Variants in LRP1B observed in about 807,000 individuals in gnomAD.
LRP1B encodes the protein low-density lipoprotein receptor-related protein 1B.
A neutral mutation model predicts 556.6 loss-of-function variants in LRP1B; 217 were observed. The ratio of observed to expected loss-of-function variants is 0.39; its 90% CI spans 0.35 to 0.44. The LOEUF is 0.44. Among genes scored for constraint, LRP1B ranks in the 20% least tolerant of loss-of-function variants. The pLI is 1.00. For missense variants in LRP1B, 5,053 were observed against 5,620.8 expected (o/e 0.90, Z 3.23); for synonymous variants, 2,047 against 1,865.8 (o/e 1.10, Z -2.50).
chr2:140,254,382 T>C (rs1681584206), intron 86 of LRP1B, among the ~76,000 whole-genome samples: 1 of 152,166 alleles, frequency 6.6e-6, no homozygotes, highest in South Asian at 2.1e-4. Flanking sequence ...TCAGTTCCAA[T>C]GCTCATGTGC....
chr2:141,112,593 T>C (rs1190259522), intron 7 of LRP1B, among the ~76,000 whole-genome samples: 1 of 152,212 alleles, frequency 6.6e-6, no homozygotes, highest in Non-Finnish European at 1.5e-5. Context: ...TGTCAATATT[T>C]AAACAATTTA....
At chr2:141,968,366 T>C (rs1701623496) in intron 1 of LRP1B, among the ~76,000 whole-genome samples, 1 of 151,822 alleles carries the variant, frequency 6.6e-6, no homozygotes. Flanking sequence ...ACTTTAGAAA[T>C]GCAGACTCCA....
chr2:140,444,888 A>G (rs11897430), intron 63 of LRP1B, among the ~76,000 whole-genome samples: 36,424 of 151,978 alleles, frequency 0.24, 4,695 homozygotes, highest in Non-Finnish European at 0.28. Context: ...AATAAACCAT[A>G]CTTTAGAAGA....
intron 18 of LRP1B, among the ~76,000 whole-genome samples, chr2:140,972,718 C>CAATGGTTTG (rs1553439786): frequency 2.0e-5 from 3 of 151,000 alleles, no homozygotes; most frequent in African/African-American, 7.3e-5. Flanking sequence ...CTTGTTAAAA[C>CAATGGTTTG]AATAGTTTGT....
At chr2:140,464,280 T>A (rs1573967957) in intron 60 of LRP1B, among the ~76,000 whole-genome samples, 1 of 152,196 alleles carries the variant, frequency 6.6e-6, no homozygotes, top group Admixed American at 6.5e-5. Context: ...AAGCCATTAT[T>A]AGAGCTGAAG....
At chr2:140,321,304 C>CA (rs1407601119) in intron 82 of LRP1B, among the ~76,000 whole-genome samples, 1 of 151,128 alleles carries the variant, frequency 6.6e-6, no homozygotes. Context: ...TTGATTATTC[C>CA]AGCTTCTAGC....
rs146222169 is a variant in LRP1B, at chr2:141,914,166, G to C, written c.83-103765C>G. 3.5e-3 allele frequency among the ~76,000 whole-genome samples: 531 copies of C among 152,262 alleles called. 2 individuals are homozygous for C. Among genetic ancestry groups the C allele is most frequent in the African/African-American group, 0.012 (508 of 41,546 alleles). On this transcript the variant is annotated intron_variant, in intron 1 of 90. Coordinates refer to ENST00000389484, the MANE Select transcript of LRP1B (RefSeq NM_018557.3). ...CAAAGTAATATCTGAGTAAGGTAAT[G>C]TTTATAAAAGGAATATACAAAATTG...
intron 5 of LRP1B, among the ~76,000 whole-genome samples, chr2:141,232,129 C>A (rs1355214735): frequency 6.6e-6 from 1 of 152,160 alleles, no homozygotes; most frequent in East Asian, 1.9e-4. Context: ...CTATCTTTAA[C>A]TGTGTTTCAC....
chr2:141,623,176 T>TA (rs5834853), intron 2 of LRP1B, among the ~76,000 whole-genome samples: 19,654 of 151,790 alleles, frequency 0.13, 1,462 homozygotes, highest in African/African-American at 0.19. Context: ...TCACTTAATT[T>TA]AAAAAAAAAT....
intron 41 of LRP1B, among the ~76,000 whole-genome samples, chr2:140,618,774 C>T (rs1683345097): frequency 6.6e-6 from 1 of 151,854 alleles, no homozygotes; most frequent in Non-Finnish European, 1.5e-5. Context: ...CAGAAAATAA[C>T]ACCTGGTCCC....
chr2:141,599,742 C>G (rs149489719), intron 2 of LRP1B, among the ~76,000 whole-genome samples: 44 of 150,974 alleles, frequency 2.9e-4, no homozygotes, highest in African/African-American at 1.1e-3. Context: ...ACTCGAATAG[C>G]AATTTAATTT....
intron 6 of LRP1B, among the ~76,000 whole-genome samples, chr2:141,227,379 A>G (rs528523539): frequency 1.3e-5 from 2 of 152,290 alleles, no homozygotes; most frequent in South Asian, 2.1e-4. Context: ...TGTAGCAAGG[A>G]CTGTGGCCTT....
At chr2:140,243,159 A>G (rs1681022640) in intron 87 of LRP1B, among the ~76,000 whole-genome samples, 2 of 151,142 alleles carry the variant, frequency 1.3e-5, no homozygotes, top group African/African-American at 4.8e-5. Flanking sequence ...GATGACACAG[A>G]TACAGATATA....
chr2:141,565,340 TAC>T (rs1316281274), intron 2 of LRP1B, among the ~76,000 whole-genome samples: 27 of 152,198 alleles, frequency 1.8e-4, no homozygotes, highest in Admixed American at 1.7e-3. Flanking sequence ...GAAATTAGAA[TAC>T]ATTTTTTCAT....
At chr2:141,835,533 G>GA (rs992664610) in intron 1 of LRP1B, among the ~76,000 whole-genome samples, 11 of 151,090 alleles carry the variant, frequency 7.3e-5, no homozygotes, top group African/African-American at 2.7e-4. Context: ...ATATATAATT[G>GA]AAAAAAAATT....
chr2:141,391,124 G>T (rs1157085747), intron 3 of LRP1B, among the ~76,000 whole-genome samples: 1 of 152,142 alleles, frequency 6.6e-6, no homozygotes, highest in East Asian at 1.9e-4. Context: ...GAATGTTTAA[G>T]ATGGTATTAT....
At chr2:140,990,759 T>A (rs527584028) in intron 16 of LRP1B, among the ~76,000 whole-genome samples, 1 of 152,232 alleles carries the variant, frequency 6.6e-6, no homozygotes, top group East Asian at 1.9e-4. Flanking sequence ...AGAGGCTAAA[T>A]TCCTAACTGA....
chr2:141,808,585 T>C (rs907149140), intron 2 of LRP1B, among the ~76,000 whole-genome samples: 1 of 152,148 alleles, frequency 6.6e-6, no homozygotes, highest in Non-Finnish European at 1.5e-5. Flanking sequence ...ACATTTAAGA[T>C]ATAATTCACA....
At chr2:141,096,046 G>C (rs1208153912) in intron 7 of LRP1B, among the ~76,000 whole-genome samples, 1 of 151,834 alleles carries the variant, frequency 6.6e-6, no homozygotes, top group Non-Finnish European at 1.5e-5. Flanking sequence ...GTAACTGCTA[G>C]ACATTTATTT....
Sources: allele counts gnomAD v4.1 joint callset (sites outside exome capture counted in the v4.1 genomes callset), GRCh38; gene constraint gnomAD v4.1.1; transcripts MANE v1.5; gene names NCBI Gene and HGNC (gene_info 2026-07-23, HGNC 2026-07-21).